Variants in TUT7 observed in about 807,000 individuals in gnomAD.
The protein encoded by TUT7 is terminal uridylyl transferase 7.
A neutral mutation model predicts 165.9 loss-of-function variants in TUT7; 33 were observed. That is an observed-to-expected ratio of 0.20 (90% CI 0.15 to 0.27). The LOEUF is 0.27. Ranked by LOEUF, TUT7 falls within the 10% of genes least tolerant of loss-of-function variation. The probability of loss-of-function intolerance (pLI) is 1.00; values close to 1 mark genes in which losing one functional copy is unlikely to be tolerated. For missense variants in TUT7, 1,338 were observed against 1,762.3 expected, an observed-to-expected ratio of 0.76 and a Z score of 4.31; for synonymous variants, 552 against 608.1, an observed-to-expected ratio of 0.91 and a Z score of 1.36.
chr9:86,342,655 A>G (rs1401712020), intron 6 of TUT7, among the ~76,000 whole-genome samples: 1 of 152,200 alleles, frequency 6.6e-6, no homozygotes, highest in Non-Finnish European at 1.5e-5. Context: ...GTGATTCTTT[A>G]AAAGCCTAAT....
chr9:86,323,139 C>T lies in TUT7; in HGVS notation c.2611G>A (p.Asp871Asn), dbSNP rs1468055509. ...RLTINQREDE[D>N]GMANEDELDN... ...AACTCATCTTCATTAGCCATGCCAT[C>T]TTCATCTTCCCTTTGGTTAATGGTG... Residue 871 changes from aspartate (D) to asparagine (N), a missense_variant, in exon 13 of 27, where the codon GAT (aspartate) becomes AAT (asparagine). Asp to Asn is a conservative substitution (Grantham distance 23). Around this residue, in one of 7 missense-constraint regions of TUT7, gnomAD observed 425 missense variants for 474.9 expected, o/e 0.89. Transcript: ENST00000375963. 6.2e-7 allele frequency: 1 copy of T among 1,614,086 alleles called. No homozygotes were observed. The highest frequency in any genetic ancestry group is 8.5e-7 in the Non-Finnish European group (1 of 1,180,044).
rs1193046883 is a variant in TUT7 at position 86,301,532 on chromosome 9, G to C, written c.4164C>G (p.Ser1388Arg). 1 of 1,613,402 alleles carries C rather than the reference G, an allele frequency of 6.2e-7. No individual in the cohort carries two copies. The highest frequency in any genetic ancestry group is 1.3e-5 in the African/African-American group (1 of 74,794). The change falls in exon 26 of 27, where the codon AGC (serine) becomes AGG (arginine). Residue 1388 changes from serine to arginine, a missense_variant. Ser to Arg is a moderately radical substitution (Grantham distance 110). Around this residue, in one of 7 missense-constraint regions of TUT7, gnomAD observed 167 missense variants for 204.9 expected, o/e 0.82. Coordinates refer to ENST00000375963, the MANE Select transcript of TUT7 (RefSeq NM_024617.4). ...TGTTGTGAATTTCTTTGTCCTCTTTGCTTCTTTTTTCCTTGTTCTCAGGGT... is the reference window on the plus strand; with the variant it reads ...TGTTGTGAATTTCTTTGTCCTCTTTCCTTCTTTTTTCCTTGTTCTCAGGGT... Reference protein sequence around the residue: ...QRYPENKEKRSKEDKEIHNKY... With the variant: ...QRYPENKEKRRKEDKEIHNKY...
At chr9:86,299,746 G>A (rs1305721776) in intron 26 of TUT7, among the ~76,000 whole-genome samples, 1 of 152,164 alleles carries the variant, frequency 6.6e-6, no homozygotes, top group Admixed American at 6.5e-5. Context: ...AAAACTTGCT[G>A]CTAGCGAGAA....
At chr9:86,333,874 T>A (rs1323830246) in intron 10 of TUT7, among the ~76,000 whole-genome samples, 2 of 152,212 alleles carry the variant, frequency 1.3e-5, no homozygotes, top group Non-Finnish European at 1.5e-5. Flanking sequence ...TATTGTTTTC[T>A]GCAGCTGTCG....
At chr9:86,310,159 T>A in intron 18 of TUT7, 142 bp from the exon 19 acceptor site, 1 of 606,944 alleles carries the variant, frequency 1.6e-6, no homozygotes, top group Non-Finnish European at 2.7e-6. Flanking sequence ...GCTCAAGTGA[T>A]CCTCCCCCAT....
chr9:86,326,127 A>G (rs1587948575), intron 11 of TUT7, among the ~76,000 whole-genome samples: 2 of 152,198 alleles, frequency 1.3e-5, no homozygotes, highest in African/African-American at 2.4e-5. Context: ...AGGATAGGGG[A>G]AAATATGGGC....
rs770796065 is a variant in TUT7 at position 86,328,402 on chromosome 9, C to A, written c.1546G>T (p.Ala516Ser). The A allele has an allele frequency of 1.2e-5, 19 of 1,612,942 alleles. No homozygotes were observed. Among genetic ancestry groups the A allele is most frequent in the South Asian group, 8.8e-5 (8 of 90,968 alleles). The change falls in exon 11 of 27, where the codon GCA becomes TCA. Residue 516 changes from alanine (A) to serine (S), a missense_variant. Ala to Ser is a moderately conservative substitution (Grantham distance 99). Coordinates refer to ENST00000375963, the MANE Select transcript of TUT7 (RefSeq NM_024617.4). Reference sequence around the variant, plus strand: ...TCTTTTGTTATGCCTGTGTCCCCTGCAGCACTGTCAGTATGTTCCCAGATC... The same window carrying A: ...TCTTTTGTTATGCCTGTGTCCCCTGAAGCACTGTCAGTATGTTCCCAGATC... Reference protein sequence around the residue: ...VVIWEHTDSAAGDTGITKEEA... With the variant: ...VVIWEHTDSASGDTGITKEEA...
At chr9:86,309,386 A>T in intron 20 of TUT7, 77 bp downstream of exon 20, 1 of 1,468,518 alleles carries the variant, frequency 6.8e-7, no homozygotes, top group Admixed American at 2.1e-5. Context: ...CTACAGAACC[A>T]CAGAATTTTA....
At chr9:86,349,125 A>G (rs1378467880) in intron 2 of TUT7, among the ~76,000 whole-genome samples, 2 of 151,940 alleles carry the variant, frequency 1.3e-5, no homozygotes, top group Non-Finnish European at 2.9e-5. Context: ...CTAAAAATAC[A>G]AAAATTAGCT....
chr9:86,302,552 A>G (rs1827028714), intron 25 of TUT7, among the ~76,000 whole-genome samples: 1 of 151,790 alleles, frequency 6.6e-6, no homozygotes, highest in Admixed American at 6.6e-5. Flanking sequence ...TCCTGGCCTC[A>G]AGTGATCCGC....
intron 26 of TUT7, among the ~76,000 whole-genome samples, chr9:86,297,211 C>T (rs1826400621): frequency 6.6e-6 from 1 of 152,162 alleles, no homozygotes; most frequent in South Asian, 2.1e-4. Flanking sequence ...TGGTGATACC[C>T]TGAAGGAATA....
rs956667164 is a variant in TUT7 at position 86,301,518 on chromosome 9, T to C, written c.4178A>G (p.Glu1393Gly). The C allele has an allele frequency of 1.9e-6, 3 of 1,614,176 alleles. No individual in the cohort carries two copies. The highest frequency in any genetic ancestry group is 2.2e-5 in the East Asian group (1 of 44,884). The change falls in exon 26 of 27, where the codon GAA (glutamate) becomes GGA (glycine). Residue 1393 changes from glutamate to glycine, a missense_variant. Physicochemically the swap from Glu to Gly is moderately conservative, Grantham distance 98 (BLOSUM62 -2). This residue lies in a region of TUT7 where 167 missense variants were observed against 204.9 expected (regional missense o/e 0.82). Coordinates refer to ENST00000375963, the MANE Select transcript of TUT7 (RefSeq NM_024617.4). ...CCTTTCTGTGTACTTGTTGTGAATTTCTTTGTCCTCTTTGCTTCTTTTTTC... is the reference window on the plus strand; with the variant it reads ...CCTTTCTGTGTACTTGTTGTGAATTCCTTTGTCCTCTTTGCTTCTTTTTTC... Reference protein sequence around the residue: ...NKEKRSKEDKEIHNKYTEREV... With the variant: ...NKEKRSKEDKGIHNKYTEREV...
chr9:86,333,311 T>G (rs1354322693), intron 10 of TUT7, among the ~76,000 whole-genome samples: 1 of 152,166 alleles, frequency 6.6e-6, no homozygotes, highest in Non-Finnish European at 1.5e-5. Context: ...TCTCAGTCAT[T>G]AGTCCTTCTA....
At chr9:86,319,233 T>C (rs1829004030) in intron 15 of TUT7, among the ~76,000 whole-genome samples, 175 bp from the exon 16 acceptor site, 1 of 152,220 alleles carries the variant, frequency 6.6e-6, no homozygotes, top group Non-Finnish European at 1.5e-5. Flanking sequence ...CTCTCAAAGC[T>C]TCCTTTACAT....
rs1436799269 is a variant in TUT7, at chr9:86,311,615, CCTCTCCCTCTCTTT to C, written c.3275-820_3275-807del. Among the ~76,000 whole-genome samples the C allele has an allele frequency of 5.5e-5, 7 of 126,416 alleles. No homozygotes were observed. The highest frequency in any genetic ancestry group is 9.9e-5 in the Non-Finnish European group (6 of 60,562). 82.9% of individuals were successfully genotyped at this position (126,416 alleles called of 152,430 possible). Reference sequence around the variant, plus strand: ...CCCTCTCCCCTCTCCCCACGGTCTCCCTCTCCCTCTCTTTCCACGGTCTCCCTCTGATGCCGGTC... The same window carrying C: ...CCCTCTCCCCTCTCCCCACGGTCTCCCCACGGTCTCCCTCTGATGCCGGTC... On this transcript the variant is annotated intron_variant, in intron 17 of 26. Transcript: ENST00000375963. This position sits in a 1 kb window ranked among gnomAD's most constrained non-coding sequence, Gnocchi z 4.4.
chr9:86,340,048 C>T lies in TUT7; in HGVS notation c.1196G>A (p.Arg399Lys), dbSNP rs1831199761. Residue 399 changes from arginine (R) to lysine (K), a missense_variant, in exon 8 of 27, where the codon AGA (arginine) becomes AAA (lysine). Physicochemically the swap from Arg to Lys is conservative, Grantham distance 26. Coordinates refer to ENST00000375963, the MANE Select transcript of TUT7 (RefSeq NM_024617.4). The part of the protein sequence containing the change: ...FHARVPVVVC[R>K]EKQSGLLCKV... Reference sequence around the variant, plus strand: ...AAAGAAATGAGACCTTTGCTTTTCTCTGCACACCACCACTGGCACCCTAGC... The same window carrying T: ...AAAGAAATGAGACCTTTGCTTTTCTTTGCACACCACCACTGGCACCCTAGC... 1 of 1,613,840 alleles carries T rather than the reference C, an allele frequency of 6.2e-7. No individual in the cohort carries two copies. The highest frequency in any genetic ancestry group is 8.5e-7 in the Non-Finnish European group (1 of 1,179,796).
In TUT7 at chr9:86,317,216, T is replaced by C. The variant is rs1280552129; in HGVS notation, c.3274+3A>G. 1 of 1,612,540 alleles carries C rather than the reference T, an allele frequency of 6.2e-7. No individual in the cohort carries two copies. The highest frequency in any genetic ancestry group is 8.5e-7 in the Non-Finnish European group (1 of 1,178,888). On this transcript the variant is annotated splice_donor_region_variant and intron_variant, in intron 17 of 26. Coordinates refer to ENST00000375963, the MANE Select transcript of TUT7 (RefSeq NM_024617.4). ...TATTTTTAGAAAAAGTTTACAGAGG[T>C]ACCTGAATGTTTTCTGAGGACTCTT...
chr9:86,337,220 T>C (rs1830868021), intron 10 of TUT7, 199 bp downstream of exon 10: 3 of 581,224 alleles, frequency 5.2e-6, no homozygotes, highest in African/African-American at 3.9e-5. Context: ...ATAATATCCC[T>C]AAGCAGGTTA....
At position 86,319,594 on chromosome 9, in the gene TUT7, C is replaced by T. The variant is rs145547865; in HGVS notation, c.3105G>A (p.Gln1035=). Residue 1035 remains glutamine, a synonymous_variant, in exon 15 of 27, where the codon CAG becomes CAA. Transcript: ENST00000375963. ...IRQNLESFIR[Q]DFPGTKLSLF... ...AAATAAATCATTTACCTGGAAAGTC[C>T]TGTCTTATGAAACTTTCTAGGTTTT... 44 of 1,601,414 alleles carry T rather than the reference C, an allele frequency of 2.7e-5. No homozygotes were observed. The African/African-American group carries it at 5.4e-4, about 20-fold the overall frequency.
Sources: gnomAD v4.1 joint callset for allele counts (sites outside exome capture counted in the v4.1 genomes callset) on GRCh38, gnomAD v4.1.1 for gene constraint, gnomAD v4.1.1 regional missense constraint, Gnocchi (gnomAD v3.1) non-coding constraint, MANE v1.5 for transcripts, NCBI Gene and HGNC (gene_info 2026-07-23, HGNC 2026-07-21) for gene names.